GTPBP1: variants seen among roughly 807,000 people sequenced by gnomAD.
GTPBP1 encodes the protein GTP binding protein 1, also known as GTP-binding protein 1.
In GTPBP1, 23 loss-of-function variants were observed where a neutral mutation model predicts 62.0. The ratio of observed to expected loss-of-function variants is 0.37; its 90% CI spans 0.27 to 0.53. The LOEUF (loss-of-function observed/expected upper bound fraction) is 0.53. Among genes scored for constraint, GTPBP1 ranks in the 20% least tolerant of loss-of-function variants. GTPBP1 has a pLI of 0.89. For missense variants in GTPBP1, 640 were observed against 917.3 expected, an observed-to-expected ratio of 0.70 and a Z score of 3.90; for synonymous variants, 344 against 364.4, an observed-to-expected ratio of 0.94 and a Z score of 0.64.
chr22:38,727,308 C>G lies in GTPBP1; in HGVS notation c.1497C>G (p.Leu499=). The G allele has an allele frequency of 6.3e-7, 1 of 1,593,942 alleles. No individual in the cohort carries two copies. The highest frequency in any genetic ancestry group is 8.5e-7 in the Non-Finnish European group (1 of 1,169,838). Residue 499 remains leucine (L), a synonymous_variant, in exon 9 of 12, where the codon CTC becomes CTG. Coordinates refer to ENST00000216044, the MANE Select transcript of GTPBP1 (RefSeq NM_004286.5). The surrounding 1 kb of genome is among the most constrained non-coding windows in gnomAD (Gnocchi z 6.5). ...SWEFEAEILV[L]HHPTTISPRY... is the part of the protein sequence containing the mutation. ...AGTTTGAGGCCGAGATTCTCGTCCT[C>G]CACCACCCCACCACAATTAGCCCGC...
chr22:38,717,273 A>G (rs2092676115), intron 4 of GTPBP1, among the ~76,000 whole-genome samples: 1 of 152,220 alleles, frequency 6.6e-6, no homozygotes, highest in Non-Finnish European at 1.5e-5. Context: ...TTGCAGAGGC[A>G]TAGAGGAGGG....
rs2092707537 is a variant in GTPBP1 at position 38,722,823 on chromosome 22, G to A, written c.958+958G>A. ...AGGAGAATCCAGTGTCCAGTTTGCT[G>A]GGCAGACTTCTCCATGGGTTTCTAC... On this transcript the variant is annotated intron_variant, in intron 5 of 11. Coordinates refer to ENST00000216044, the MANE Select transcript of GTPBP1 (RefSeq NM_004286.5). 5.1e-6 allele frequency: 8 copies of A among 1,581,766 alleles called. No homozygotes were observed. The South Asian group carries it at 7.7e-5, about 15-fold the overall frequency.
downstream of GTPBP1, chr22:38,740,429 CA>C: frequency 6.6e-7 from 1 of 1,508,780 alleles, no homozygotes. The surrounding 1 kb of genome is among the most constrained non-coding windows in gnomAD (Gnocchi z 4.8). Context: ...ACTCCTGGGT[CA>C]TGCTGGTCCC....
At chr22:38,711,972 C>T (rs969931360) in intron 2 of GTPBP1, among the ~76,000 whole-genome samples, 1 of 152,068 alleles carries the variant, frequency 6.6e-6, no homozygotes, top group Non-Finnish European at 1.5e-5. Flanking sequence ...CCTCTGCCTC[C>T]TGGGTTCAAG....
chr22:38,720,489 C>A (rs919874951), intron 4 of GTPBP1, among the ~76,000 whole-genome samples: 1 of 152,122 alleles, frequency 6.6e-6, no homozygotes, highest in Non-Finnish European at 1.5e-5. Flanking sequence ...CTTGGCCTCC[C>A]AAAGTGCTGG....
At chr22:38,724,716 T>G (rs1001445812) in intron 6 of GTPBP1, among the ~76,000 whole-genome samples, 1 of 152,172 alleles carries the variant, frequency 6.6e-6, no homozygotes, top group Non-Finnish European at 1.5e-5. Flanking sequence ...TAACATTCCC[T>G]TCCCTGTAGG....
At chr22:38,733,758 C>T (rs770550833), downstream of GTPBP1, among the ~76,000 whole-genome samples, 5 of 152,320 alleles carry the variant, frequency 3.3e-5, no homozygotes, top group Non-Finnish European at 7.3e-5. Context: ...GAATATGCCA[C>T]GCACAGGGGC....
At chr22:38,718,269 A>G (rs1199371320) in intron 4 of GTPBP1, among the ~76,000 whole-genome samples, 2 of 152,208 alleles carry the variant, frequency 1.3e-5, no homozygotes, top group Non-Finnish European at 2.9e-5. Context: ...TAAGAAGGGT[A>G]TAGAAACTGG....
downstream of GTPBP1, among the ~76,000 whole-genome samples, chr22:38,736,976 T>C (rs1375307243): frequency 6.6e-6 from 1 of 152,188 alleles, no homozygotes; most frequent in African/African-American, 2.4e-5. Context: ...CCCCAGTAGC[T>C]GGGACCACAG....
In GTPBP1 at chr22:38,731,044, G is replaced by A; in HGVS notation, c.*340G>A. The A allele has an allele frequency of 4.2e-6, 1 of 239,864 alleles. No homozygotes were observed. The highest frequency in any genetic ancestry group is 8.1e-6 in the Non-Finnish European group (1 of 123,854). The allele number at this position is 239,864 out of a possible 1,614,324, so 14.9% of individuals were successfully genotyped here. The stretch of plus-strand genomic sequence containing the variant: ...TGTGTGTGTGTGTGTGTGTGTGTGT[G>A]TGTGTGGTGCAGGAGTGCCACCCCC... On this transcript the variant is annotated 3_prime_UTR_variant, in exon 12 of 12. Coordinates refer to ENST00000216044, the MANE Select transcript of GTPBP1 (RefSeq NM_004286.5).
At position 38,726,210 on chromosome 22, in the gene GTPBP1, G is replaced by A. The variant is rs370331556; in HGVS notation, c.1219-48G>A. On this transcript the variant is annotated intron_variant, in intron 7 of 11. Coordinates refer to ENST00000216044, the MANE Select transcript of GTPBP1 (RefSeq NM_004286.5). This position sits in a 1 kb window ranked among gnomAD's most constrained non-coding sequence, Gnocchi z 4.1. ...TTCCTACAGTGGCATCAGGGGGTGG[G>A]TCTGTGCTGGGGATGCACTTATGAG... The A allele has an allele frequency of 1.1e-5, 17 of 1,610,592 alleles. No homozygotes were observed. Among genetic ancestry groups the A allele is most frequent in the Non-Finnish European group, 1.4e-5 (17 of 1,177,284 alleles).
At chr22:38,712,303 C>A (rs1474772754) in intron 2 of GTPBP1, among the ~76,000 whole-genome samples, 3 of 152,072 alleles carry the variant, frequency 2.0e-5, no homozygotes, top group Non-Finnish European at 4.4e-5. Context: ...CAGAGGAAAC[C>A]ATTCTCACAG....
At position 38,726,549 on chromosome 22, in the gene GTPBP1, G is replaced by T. The variant is rs1466637452; in HGVS notation, c.1401+109G>T. 3.3e-6 allele frequency: 3 copies of T among 921,554 alleles called. No homozygotes were observed. The highest frequency in any genetic ancestry group is 2.5e-5 in the East Asian group (1 of 40,648). 57.1% of individuals were successfully genotyped at this position (921,554 alleles called of 1,614,324 possible). A position where few individuals can be genotyped will look rare whatever the true frequency, so the allele number is the denominator to read the frequency against. On this transcript the variant is annotated intron_variant, in intron 8 of 11. Transcript: ENST00000216044. The surrounding 1 kb of genome is among the most constrained non-coding windows in gnomAD (Gnocchi z 4.1). ...CCTCATGGCTGCTCTGCAAGGTCGG[G>T]ATTACTGGCTTCATTTTTACAGATG... is the stretch of plus-strand genomic sequence containing the variant.
At chr22:38,708,028 T>G (rs542618865) in intron 1 of GTPBP1, among the ~76,000 whole-genome samples, 1 of 152,234 alleles carries the variant, frequency 6.6e-6, no homozygotes, top group African/African-American at 2.4e-5. Context: ...GAAGAAAACC[T>G]TGTAGTTTCA....
At chr22:38,740,921 C>A (rs760356340), downstream of GTPBP1, 18 of 1,384,680 alleles carry the variant, frequency 1.3e-5, no homozygotes, top group Non-Finnish European at 1.8e-5. This position sits in a 1 kb window ranked among gnomAD's most constrained non-coding sequence, Gnocchi z 4.8. Flanking sequence ...GAACTCTCTG[C>A]TCTGCGGCTC....
downstream of GTPBP1, chr22:38,736,311 T>A: frequency 6.2e-7 from 1 of 1,614,026 alleles, no homozygotes; most frequent in Non-Finnish European, 8.5e-7. Flanking sequence ...TAGATGCAGG[T>A]GTACTCGGGG....
At chr22:38,713,903 G>GA (rs1418172118) in intron 2 of GTPBP1, among the ~76,000 whole-genome samples, 1 of 152,172 alleles carries the variant, frequency 6.6e-6, no homozygotes, top group African/African-American at 2.4e-5. Context: ...GATGGTGTTA[G>GA]AAATGAGTGT....
chr22:38,737,340 C>G (rs2092814602), downstream of GTPBP1, among the ~76,000 whole-genome samples: 1 of 152,068 alleles, frequency 6.6e-6, no homozygotes, highest in Admixed American at 6.6e-5. The surrounding 1 kb of genome is among the most constrained non-coding windows in gnomAD (Gnocchi z 4.1). Context: ...CCCACCCCAT[C>G]CAACTGGACA....
At chr22:38,722,960 T>C in intron 5 of GTPBP1, 1 of 904,562 alleles carries the variant, frequency 1.1e-6, no homozygotes, top group Non-Finnish European at 1.9e-6. Flanking sequence ...TGAAGAGACC[T>C]CTTAGTGCAA....
Sources: allele counts gnomAD v4.1 joint callset (sites outside exome capture counted in the v4.1 genomes callset), GRCh38; gene constraint gnomAD v4.1.1; non-coding constraint Gnocchi (gnomAD v3.1); transcripts MANE v1.5; gene names NCBI Gene and HGNC (gene_info 2026-07-23, HGNC 2026-07-21).